The following FNTB variants were observed in gnomAD, a reference collection of about 807,000 sequenced individuals.
FNTB encodes the protein farnesyltransferase, CAAX box, subunit beta, also known as protein farnesyltransferase subunit beta.
FNTB carries 27 observed loss-of-function variants against 59.4 expected under a neutral mutation model. The observed-to-expected ratio is 0.45, with a 90% CI of 0.34 to 0.63. The LOEUF is 0.63. Ranked by LOEUF, FNTB falls within the 20% of genes least tolerant of loss-of-function variation. The pLI is 0.02. For missense variants in FNTB, 449 were observed against 559.6 expected (o/e 0.80, Z 1.99); for synonymous variants, 230 against 220.7 (o/e 1.04, Z -0.37).
chr14:65,020,437 C>CT (rs1195336782), intron 4 of FNTB, among the ~76,000 whole-genome samples: 19 of 143,376 alleles, frequency 1.3e-4, no homozygotes, highest in Admixed American at 2.0e-4. Flanking sequence ...CAGCTTGCCT[C>CT]TTTTTTTTTT....
At chr14:65,041,018 G>A (rs2062340764) in intron 8 of FNTB, 99 bp downstream of exon 8, 2 of 1,530,444 alleles carry the variant, frequency 1.3e-6, no homozygotes, top group Non-Finnish European at 1.8e-6. Context: ...CTATGGGAAG[G>A]GCTAAGAGAG....
In FNTB at chr14:65,012,059, C is replaced by G. The variant is rs77280561; in HGVS notation, c.210-258C>G. 1.3e-3 allele frequency: 519 copies of G among 409,028 alleles called. 3 individuals are homozygous for G. Among genetic ancestry groups the G allele is most frequent in the African/African-American group, 9.6e-3 (478 of 49,708 alleles). The allele number at this position is 409,028 out of a possible 1,614,324, so 25.3% of individuals were successfully genotyped here. ...TGCGGCTTTTCCGTTAGCCCAAAGT[C>G]ACTGCCTTTAGGAGACAATCGCACT... On this transcript the variant is annotated intron_variant, in intron 2 of 11. Transcript: ENST00000246166. The surrounding 1 kb of genome is among the most constrained non-coding windows in gnomAD (Gnocchi z 5.0).
rs1047319572 is a variant in FNTB at position 65,027,156 on chromosome 14, G to A, written c.375-297G>A. Among the ~76,000 whole-genome samples the A allele has an allele frequency of 7.2e-5, 11 of 152,196 alleles. No homozygotes were observed. Among genetic ancestry groups the A allele is most frequent in the Non-Finnish European group, 1.2e-4 (8 of 68,024 alleles). ...TGGGAAAGGTTTGTGTGGGAAGCAC[G>A]GGAGACTCTTACCCCATAGCTACGA... On this transcript the variant is annotated intron_variant, in intron 4 of 11. Transcript: ENST00000246166. The surrounding 1 kb of genome is among the most constrained non-coding windows in gnomAD (Gnocchi z 5.7).
chr14:65,042,467 A>T (rs551283678), intron 8 of FNTB, among the ~76,000 whole-genome samples: 2 of 152,180 alleles, frequency 1.3e-5, no homozygotes, highest in African/African-American at 4.8e-5. Flanking sequence ...TTGCGCTCCT[A>T]TGAGAATCTA....
chr14:65,000,815 CAAAAAAAAAAAAAAAAA>C (rs59420832), intron 1 of FNTB, among the ~76,000 whole-genome samples: 2 of 36,460 alleles, frequency 5.5e-5, no homozygotes, highest in African/African-American at 1.7e-4. Context: ...GACTCCGTCT[CAAAAAAAAAAAAAAAAA>C]AAAAAAAAAG....
chr14:65,044,340 T>G lies in FNTB; in HGVS notation c.852T>G (p.Phe284Leu). 6.2e-7 allele frequency: 1 copy of G among 1,613,642 alleles called. No individual in the cohort carries two copies. The highest frequency in any genetic ancestry group is 1.1e-5 in the South Asian group (1 of 90,872). ...GGGTGACAAGCCGGCAGATGCGATT[T>G]GAAGGAGGATTTCAGGGCCGCTGCA... ...LQWVTSRQMR[F>L]EGGFQGRCNK... The change falls in exon 9 of 12, where the codon TTT becomes TTG. Residue 284 changes from phenylalanine (F) to leucine (L), a missense_variant. By Grantham distance (22) the Phe-to-Leu change is conservative. Transcript: ENST00000246166. The surrounding 1 kb of genome is among the most constrained non-coding windows in gnomAD (Gnocchi z 5.5).
chr14:65,046,041 G>A (rs973156595), intron 9 of FNTB, among the ~76,000 whole-genome samples: 2 of 152,204 alleles, frequency 1.3e-5, no homozygotes, highest in Non-Finnish European at 2.9e-5. Flanking sequence ...AGGCCGGAGT[G>A]CAATGGATCA....
chr14:65,060,891 A>AC (rs1566585011), intron 11 of FNTB, among the ~76,000 whole-genome samples: 1 of 141,616 alleles, frequency 7.1e-6, no homozygotes, highest in Admixed American at 7.0e-5. Flanking sequence ...AAAAAAAAAA[A>AC]AAAACAGTTT....
chr14:65,057,914 T>A (rs2062775327), intron 11 of FNTB, among the ~76,000 whole-genome samples: 1 of 152,206 alleles, frequency 6.6e-6, no homozygotes, highest in African/African-American at 2.4e-5. Flanking sequence ...TTTGGTCTGT[T>A]TGCCTATCTG....
chr14:65,034,980 T>C (rs1365180083), intron 7 of FNTB, among the ~76,000 whole-genome samples: 2 of 152,194 alleles, frequency 1.3e-5, no homozygotes, highest in Admixed American at 6.5e-5. Context: ...CTACAAACTG[T>C]CACTCATGCA....
At position 65,053,325 on chromosome 14, in the gene FNTB, G is replaced by T; in HGVS notation, c.1043G>T (p.Gly348Val). ...CTGATGTGCTGCCAGTGCCCTGCGG[G>T]GGGGCTTCTGGATAAACCTGGCAAG... ...YILMCCQCPAGGLLDKPGKSR... is the reference protein window; with the variant it reads ...YILMCCQCPAVGLLDKPGKSR... The change falls in exon 10 of 12, where the codon GGG becomes GTG. Residue 348 changes from glycine to valine, a missense_variant. Gly to Val is a moderately radical substitution (Grantham distance 109). Transcript: ENST00000246166. 6.9e-7 allele frequency: 1 copy of T among 1,439,600 alleles called. No individual in the cohort carries two copies. The highest frequency in any genetic ancestry group is 9.2e-7 in the Non-Finnish European group (1 of 1,090,234). 89.2% of individuals were successfully genotyped at this position (1,439,600 alleles called of 1,614,324 possible). A position where few individuals can be genotyped will look rare whatever the true frequency, so the allele number is the denominator to read the frequency against.
chr14:64,991,945 T>A lies in FNTB; in HGVS notation c.144+4848T>A, dbSNP rs1267083608. 6.6e-6 allele frequency among the ~76,000 whole-genome samples: 1 copy of A among 152,074 alleles called. No homozygotes were observed. Among genetic ancestry groups the A allele is most frequent in the East Asian group, 1.9e-4 (1 of 5,190 alleles). ...TTAAGAGGCAGGTGATGTGCTGGCT[T>A]CAGGTTCGGGCAGTGGGCCACCACA... On this transcript the variant is annotated intron_variant, in intron 1 of 11. Coordinates refer to ENST00000246166, the MANE Select transcript of FNTB (RefSeq NM_002028.4). This position sits in a 1 kb window ranked among gnomAD's most constrained non-coding sequence, Gnocchi z 4.4.
At chr14:65,010,494 CACTAGTTCGGGCCCTAAGT>C (rs2061666359) in intron 2 of FNTB, among the ~76,000 whole-genome samples, 1 of 152,238 alleles carries the variant, frequency 6.6e-6, no homozygotes, top group Non-Finnish European at 1.5e-5. Flanking sequence ...ACGGGTCACA[CACTAGTTCGGGCCCTAAGT>C]AGCCCCAACT....
intron 11 of FNTB, among the ~76,000 whole-genome samples, chr14:65,059,694 G>A (rs567826572): frequency 7.9e-5 from 12 of 152,086 alleles, no homozygotes; most frequent in East Asian, 1.9e-4. Flanking sequence ...GGATTATGCC[G>A]TGTCAAATCT....
rs71123901 is a variant in FNTB, at chr14:65,020,733, CT to C, written c.374+5033del. ...ACAGGCATGAGCCACCGCGCCCGGCCTTTTTTTTTTTTTTTTGAGACGGAGT... is the reference window on the plus strand; with the variant it reads ...ACAGGCATGAGCCACCGCGCCCGGCCTTTTTTTTTTTTTTTGAGACGGAGT... On this transcript the variant is annotated intron_variant, in intron 4 of 11. Coordinates refer to ENST00000246166, the MANE Select transcript of FNTB (RefSeq NM_002028.4). Among the ~76,000 whole-genome samples, 425 of 123,320 alleles carry C rather than the reference CT, an allele frequency of 3.4e-3. 1 individual carries two copies. Among genetic ancestry groups the C allele is most frequent in the African/African-American group, 0.01 (340 of 33,178 alleles). The allele number at this position is 123,320 out of a possible 152,430, so 80.9% of individuals were successfully genotyped here. A position where few individuals can be genotyped will look rare whatever the true frequency, so the allele number is the denominator to read the frequency against.
chr14:65,057,257 T>G (rs1336818590), intron 11 of FNTB, among the ~76,000 whole-genome samples: 1 of 152,152 alleles, frequency 6.6e-6, no homozygotes, highest in Non-Finnish European at 1.5e-5. Context: ...GTTTTTGGTG[T>G]TTTTTTGTTA....
chr14:65,060,355 G>A (rs1487772157), intron 11 of FNTB, among the ~76,000 whole-genome samples: 3 of 151,230 alleles, frequency 2.0e-5, no homozygotes, highest in African/African-American at 4.9e-5. Context: ...TTGGGAGGCC[G>A]AGGCGGGTGG....
At chr14:65,021,820 A>G (rs2061891497) in intron 4 of FNTB, among the ~76,000 whole-genome samples, 1 of 152,054 alleles carries the variant, frequency 6.6e-6, no homozygotes, top group South Asian at 2.1e-4. Context: ...TAATTTTTGT[A>G]TTTTTAGTAG....
rs1012983730 is a variant in FNTB at position 65,028,123 on chromosome 14, G to A, written c.605+342G>A. On this transcript the variant is annotated intron_variant, in intron 6 of 11. Transcript: ENST00000246166. The surrounding 1 kb of genome is among the most constrained non-coding windows in gnomAD (Gnocchi z 4.4). ...TTCACCTCTCTGAGATAGGAAGGGA[G>A]GGGAAAGTCCAGCAGGGCCTCAGTA... Among the ~76,000 whole-genome samples, 1 of 152,194 alleles carries A rather than the reference G, an allele frequency of 6.6e-6. No homozygotes were observed. Among genetic ancestry groups the A allele is most frequent in the Non-Finnish European group, 1.5e-5 (1 of 68,040 alleles).
Sources: gnomAD v4.1 joint callset for allele counts (sites outside exome capture counted in the v4.1 genomes callset) on GRCh38, gnomAD v4.1.1 for gene constraint, Gnocchi (gnomAD v3.1) non-coding constraint, MANE v1.5 for transcripts, NCBI Gene and HGNC (gene_info 2026-07-23, HGNC 2026-07-21) for gene names.